Variants in LRP1B observed in about 807,000 individuals in gnomAD.
LRP1B encodes the protein low-density lipoprotein receptor-related protein 1B.
In LRP1B, 217 loss-of-function variants were observed where a neutral mutation model predicts 556.6. The observed-to-expected ratio is 0.39, with a 90% confidence interval of 0.35 to 0.44. LRP1B has a LOEUF of 0.44. Ranked by LOEUF, LRP1B falls within the 20% of genes least tolerant of loss-of-function variation. The pLI is 1.00. For missense variants in LRP1B, 5,053 were observed against 5,620.8 expected (o/e 0.90, Z 3.23); for synonymous variants, 2,047 against 1,865.8 (o/e 1.10, Z -2.50).
chr2:141,285,445 A>ATTTTTTTT (rs749012582), intron 3 of LRP1B, among the ~76,000 whole-genome samples: 1 of 132,174 alleles, frequency 7.6e-6, no homozygotes, highest in African/African-American at 2.9e-5. Flanking sequence ...GGTGAGAATA[A>ATTTTTTTT]TTTTTTTTTC....
chr2:141,895,048 C>CAAAAAAAAAAA (rs369108197), intron 1 of LRP1B, among the ~76,000 whole-genome samples: 1 of 78,520 alleles, frequency 1.3e-5, no homozygotes, highest in Non-Finnish European at 2.4e-5. Flanking sequence ...AACTCCATCT[C>CAAAAAAAAAAA]AAAAAAAAAA....
chr2:141,494,448 A>T (rs748649861), intron 2 of LRP1B, among the ~76,000 whole-genome samples: 11 of 152,084 alleles, frequency 7.2e-5, no homozygotes, highest in Non-Finnish European at 1.3e-4. Context: ...CAGCCAGATT[A>T]TCCCTAGGAA....
chr2:140,898,937 C>A, intron 23 of LRP1B: 2 of 377,088 alleles, frequency 5.3e-6, no homozygotes, highest in South Asian at 2.1e-5. Flanking sequence ...ATAAAGATAT[C>A]TGGCTGTCCT....
At chr2:140,294,597 G>A (rs1159206295) in intron 84 of LRP1B, among the ~76,000 whole-genome samples, 2 of 152,128 alleles carry the variant, frequency 1.3e-5, no homozygotes, top group African/African-American at 4.8e-5. Context: ...CAGGGAAGCT[G>A]GCTCTATATA....
intron 2 of LRP1B, among the ~76,000 whole-genome samples, chr2:141,647,288 A>C (rs759272472): frequency 6.6e-6 from 1 of 152,294 alleles, no homozygotes; most frequent in Non-Finnish European, 1.5e-5. Context: ...GTCCAAGGAA[A>C]CTTCTAGCCC....
intron 32 of LRP1B, among the ~76,000 whole-genome samples, chr2:140,795,130 A>G (rs527865180): frequency 6.6e-6 from 1 of 152,186 alleles, no homozygotes; most frequent in Admixed American, 6.5e-5. Context: ...TTGTCTTACT[A>G]TTATACTAAC....
chr2:140,239,305 A>C, intron 88 of LRP1B, 137 bp downstream of exon 88: 3 of 535,820 alleles, frequency 5.6e-6, no homozygotes, highest in Non-Finnish European at 1.0e-5. Flanking sequence ...GAGAGGTATA[A>C]AATGATTTGA....
At chr2:140,509,294 C>A (rs1331378049) in intron 52 of LRP1B, among the ~76,000 whole-genome samples, 2 of 152,110 alleles carry the variant, frequency 1.3e-5, no homozygotes, top group Non-Finnish European at 2.9e-5. Flanking sequence ...TCCCTTTATC[C>A]TCCTGATCAT....
At chr2:140,537,748 G>T (rs1268438688) in intron 45 of LRP1B, among the ~76,000 whole-genome samples, 2 of 152,082 alleles carry the variant, frequency 1.3e-5, no homozygotes, top group African/African-American at 4.8e-5. Context: ...GTTTTTAGGT[G>T]ATTTGTCCTA....
chr2:141,989,122 G>C (rs1702276093), intron 1 of LRP1B, among the ~76,000 whole-genome samples: 1 of 151,894 alleles, frequency 6.6e-6, no homozygotes, highest in Admixed American at 6.6e-5. Context: ...TGAACATTTT[G>C]TATATGGCTA....
chr2:140,572,057 A>C (rs1681343193), intron 43 of LRP1B, among the ~76,000 whole-genome samples: 1 of 151,810 alleles, frequency 6.6e-6, no homozygotes, highest in African/African-American at 2.4e-5. Flanking sequence ...AACATAAAGG[A>C]AATGCTTTAA....
chr2:141,750,112 G>A (rs915913692), intron 2 of LRP1B, among the ~76,000 whole-genome samples: 18 of 152,010 alleles, frequency 1.2e-4, no homozygotes, highest in African/African-American at 3.6e-4. Flanking sequence ...ATACATGTCT[G>A]GTATATTTCT....
intron 2 of LRP1B, among the ~76,000 whole-genome samples, chr2:141,732,665 G>T (rs1271987010): frequency 1.3e-5 from 2 of 152,090 alleles, no homozygotes; most frequent in East Asian, 1.9e-4. Context: ...ATCGTGAGTA[G>T]CTTGGTAGAA....
intron 2 of LRP1B, among the ~76,000 whole-genome samples, chr2:141,700,346 G>T (rs1691895699): frequency 6.6e-6 from 1 of 151,644 alleles, no homozygotes; most frequent in South Asian, 2.1e-4. Flanking sequence ...CCAGTGCTTG[G>T]AATAGCATCG....
At chr2:141,448,007 G>T (rs1275802920) in intron 3 of LRP1B, among the ~76,000 whole-genome samples, 2 of 152,196 alleles carry the variant, frequency 1.3e-5, no homozygotes, top group African/African-American at 2.4e-5. Flanking sequence ...GGCTGAAGCT[G>T]CATCCACAGC....
At chr2:141,027,152 G>T (rs1031648164) in intron 11 of LRP1B, among the ~76,000 whole-genome samples, 8 of 152,076 alleles carry the variant, frequency 5.3e-5, no homozygotes, top group Non-Finnish European at 5.9e-5. Context: ...CTAGAATAAG[G>T]TTACTACAGT....
intron 7 of LRP1B, chr2:141,167,292 G>T (rs1680311917): frequency 6.6e-6 from 1 of 151,762 alleles, no homozygotes; most frequent in South Asian, 2.1e-4. Context: ...TCATCTTTAT[G>T]CAGGAGACAG....
At chr2:140,957,037 T>C (rs1311580507) in intron 18 of LRP1B, among the ~76,000 whole-genome samples, 1 of 151,670 alleles carries the variant, frequency 6.6e-6, no homozygotes, top group African/African-American at 2.4e-5. Flanking sequence ...AGTATTCTCA[T>C]TTTTCAGAGT....
At chr2:140,804,092 G>A (rs1690625615) in intron 32 of LRP1B, among the ~76,000 whole-genome samples, 1 of 151,668 alleles carries the variant, frequency 6.6e-6, no homozygotes, top group African/African-American at 2.4e-5. Flanking sequence ...ATCTGCACTT[G>A]ACAACATGTA....
Sources: allele counts gnomAD v4.1 joint callset (sites outside exome capture counted in the v4.1 genomes callset), GRCh38; gene constraint gnomAD v4.1.1; transcripts MANE v1.5; gene names NCBI Gene and HGNC (gene_info 2026-07-23, HGNC 2026-07-21).